Variants in NBEAL2 observed in about 807,000 individuals in gnomAD.
NBEAL2 encodes neurobeachin-like protein 2.
Under a neutral mutation model 299.8 loss-of-function variants are expected in NBEAL2, and 160 were observed. The ratio of observed to expected loss-of-function variants is 0.53; its 90% CI spans 0.47 to 0.61. The LOEUF is 0.61. NBEAL2 is among the 20% of genes least tolerant of loss of function. The pLI, the probability that NBEAL2 is intolerant of heterozygous loss-of-function variation, is 0.00. For missense variants in NBEAL2, 3,112 were observed against 3,649.0 expected (o/e 0.85, Z 3.79); for synonymous variants, 1,493 against 1,542.3 (o/e 0.97, Z 0.75).
intron 21 of NBEAL2, 72 bp downstream of exon 21, chr3:46,998,298 G>T: frequency 6.4e-7 from 1 of 1,555,082 alleles, no homozygotes; most frequent in South Asian, 1.2e-5. Flanking sequence ...ACTCTGCTCT[G>T]GGGGATCTGA....
Position 47,004,721 on chromosome 3 carries a change from C to G in NBEAL2, c.6294+131C>G. 1 of 1,042,000 alleles carries G rather than the reference C, an allele frequency of 9.6e-7. No homozygotes were observed. The highest frequency in any genetic ancestry group is 1.5e-6 in the Non-Finnish European group (1 of 687,828). The allele number at this position is 1,042,000 out of a possible 1,614,324, so 64.5% of individuals were successfully genotyped here. On this transcript the variant is annotated intron_variant, in intron 38 of 53. Transcript: ENST00000450053. The surrounding 1 kb of genome is among the most constrained non-coding windows in gnomAD (Gnocchi z 5.0). ...CAAGGGTAGATGTGCCAATGAAGAC[C>G]TGGCCTCTGTTCCCTGCCAACCCCC... is the stretch of plus-strand genomic sequence containing the variant.
Position 47,002,661 on chromosome 3 carries a change from C to T in NBEAL2, c.5318C>T (p.Pro1773Leu). Residue 1773 changes from proline (P) to leucine (L), a missense_variant, in exon 33 of 54, where the codon CCT (proline) becomes CTT (leucine). Physicochemically the swap from Pro to Leu is moderately conservative, Grantham distance 98 (BLOSUM62 -3). This residue lies in a region of NBEAL2 where 2,243 missense variants were observed against 2,538.1 expected (regional missense o/e 0.88). Transcript: ENST00000450053. ...RRAFQELVLE[P>L]AQRRARLEGL... is the part of the protein sequence containing the mutation. ...CCACCCCAGGAGCTGGTGCTGGAAC[C>T]TGCGCAGAGGCGGGCGCGCCTGGAG... 3 of 1,609,948 alleles carry T rather than the reference C, an allele frequency of 1.9e-6. No homozygotes were observed. Among genetic ancestry groups the T allele is most frequent in the Non-Finnish European group, 2.5e-6 (3 of 1,179,132 alleles).
At chr3:46,993,009 G>A (rs2036218876) in intron 10 of NBEAL2, among the ~76,000 whole-genome samples, 2 of 152,214 alleles carry the variant, frequency 1.3e-5, no homozygotes. Context: ...CATGTGGGCT[G>A]TAGGAGGCTG....
chr3:46,996,876 C>A (rs964835887), intron 17 of NBEAL2, 43 bp downstream of exon 17: 1 of 1,609,378 alleles, frequency 6.2e-7, no homozygotes, highest in African/African-American at 1.3e-5. Flanking sequence ...GACTGTGCTA[C>A]TTCCCCGGCT....
chr3:47,001,790 G>T lies in NBEAL2; in HGVS notation c.4746G>T (p.Arg1582=). The part of the protein sequence containing the change: ...DLREMAQIGL[R]LVLGYILLED... The stretch of plus-strand genomic sequence containing the variant: ...GTGAGATGGCGCAGATTGGCCTACG[G>T]CTTGTACTTGGCTACATCCTGCTGG... Residue 1582 remains arginine, a synonymous_variant, in exon 30 of 54, where the codon CGG becomes CGT. Coordinates refer to ENST00000450053, the MANE Select transcript of NBEAL2 (RefSeq NM_015175.3). This position sits in a 1 kb window ranked among gnomAD's most constrained non-coding sequence, Gnocchi z 6.1. 6.2e-7 allele frequency: 1 copy of T among 1,613,874 alleles called. No homozygotes were observed. Among genetic ancestry groups the T allele is most frequent in the Non-Finnish European group, 8.5e-7 (1 of 1,179,896 alleles).
Position 47,003,749 on chromosome 3 carries a change from T to C in NBEAL2, c.5721-67T>C. ...ACCCCATGACTCAATGGCACTTGGA[T>C]GCCCTTTGGGCTTGTGAAGAAGGGG... On this transcript the variant is annotated intron_variant, in intron 35 of 53. Transcript: ENST00000450053. The surrounding 1 kb of genome is among the most constrained non-coding windows in gnomAD (Gnocchi z 7.0). The C allele has an allele frequency of 6.7e-7, 1 of 1,496,462 alleles. No homozygotes were observed. The highest frequency in any genetic ancestry group is 1.3e-5 in the South Asian group (1 of 75,496). 92.7% of individuals were successfully genotyped at this position (1,496,462 alleles called of 1,614,324 possible).
chr3:47,001,843 C>T lies in NBEAL2; in HGVS notation c.4782+17C>T, dbSNP rs952785198. 2 of 1,613,172 alleles carry T rather than the reference C, an allele frequency of 1.2e-6. No individual in the cohort carries two copies. Among genetic ancestry groups the T allele is most frequent in the Non-Finnish European group, 1.7e-6 (2 of 1,179,524 alleles). On this transcript the variant is annotated intron_variant, in intron 30 of 53. Coordinates refer to ENST00000450053, the MANE Select transcript of NBEAL2 (RefSeq NM_015175.3). The surrounding 1 kb of genome is among the most constrained non-coding windows in gnomAD (Gnocchi z 6.1). ...GACCCACAGGTGAGCACAGGGTGAG[C>T]ATGGGGGCAGGGGGCGTGTGAGATG...
rs1458953700 is a variant in NBEAL2, at chr3:46,995,021, T to C, written c.1297-11T>C. The C allele has an allele frequency of 1.3e-6, 2 of 1,531,652 alleles. No homozygotes were observed. Among genetic ancestry groups the C allele is most frequent in the Admixed American group, 3.8e-5 (2 of 51,992 alleles). The allele number at this position is 1,531,652 out of a possible 1,614,324, so 94.9% of individuals were successfully genotyped here. On this transcript the variant is annotated splice_polypyrimidine_tract_variant and intron_variant, in intron 12 of 53. Coordinates refer to ENST00000450053, the MANE Select transcript of NBEAL2 (RefSeq NM_015175.3). ...CAGCTGACCAGGGACTGTCATTCTC[T>C]CCACCCACAGGCTGTGGAGGGTGAC... is the stretch of plus-strand genomic sequence containing the variant.
rs2036472018 is a variant in NBEAL2 at position 46,996,052 on chromosome 3, G to A, written c.2151+1G>A. On this transcript the variant is annotated splice_donor_variant, in intron 15 of 53. Coordinates refer to ENST00000450053, the MANE Select transcript of NBEAL2 (RefSeq NM_015175.3). LOFTEE classifies it high-confidence loss of function. ...CCTTCGCTGCCCCTCCCTCAGTGAG[G>A]TGTGCCAAGCAAGGTTTGGGGAGGC... The A allele has an allele frequency of 6.2e-7, 1 of 1,601,796 alleles. No individual in the cohort carries two copies. Among genetic ancestry groups the A allele is most frequent in the Non-Finnish European group, 8.5e-7 (1 of 1,174,334 alleles).
chr3:46,999,237 C>A, intron 24 of NBEAL2, 78 bp from the exon 25 acceptor site: 1 of 1,545,926 alleles, frequency 6.5e-7, no homozygotes, highest in South Asian at 1.2e-5. Flanking sequence ...CCTCTTGAGC[C>A]ACACACCTGC....
rs748990124 is a variant in NBEAL2 at position 47,008,287 on chromosome 3, G to C, written c.7724G>C (p.Gly2575Ala). 2.5e-6 allele frequency: 4 copies of C among 1,613,056 alleles called. No individual in the cohort carries two copies. Among genetic ancestry groups the C allele is most frequent in the Admixed American group, 1.7e-5 (1 of 59,870 alleles). Residue 2575 changes from glycine (G) to alanine (A), a missense_variant, in exon 51 of 54, where the codon GGA becomes GCA. Physicochemically the swap from Gly to Ala is moderately conservative, Grantham distance 60 (BLOSUM62 0). Around this residue, in one of 3 missense-constraint regions of NBEAL2, gnomAD observed 348 missense variants for 381.4 expected, o/e 0.91. Transcript: ENST00000450053. ...CCCTAAGTTGCCTTCCTGCAGGATGGAACTGTGATCATACACACTGTACGC... is the reference window on the plus strand; with the variant it reads ...CCCTAAGTTGCCTTCCTGCAGGATGCAACTGTGATCATACACACTGTACGC... ...LDMAVSGSED[G>A]TVIIHTVRRG... is the part of the protein sequence containing the mutation.
In NBEAL2 at chr3:46,988,487, C is replaced by T. The variant is rs1207023189; in HGVS notation, c.52-182C>T. ...CTCTCTGATGCTGACCTTCCAATGT[C>T]CTGCCCTCCCTCCCCCGTCCCCCAC... is the stretch of plus-strand genomic sequence containing the variant. On this transcript the variant is annotated intron_variant, in intron 1 of 53. Coordinates refer to ENST00000450053, the MANE Select transcript of NBEAL2 (RefSeq NM_015175.3). This position sits in a 1 kb window ranked among gnomAD's most constrained non-coding sequence, Gnocchi z 4.4. 6.6e-6 allele frequency among the ~76,000 whole-genome samples: 1 copy of T among 151,894 alleles called. No homozygotes were observed. The highest frequency in any genetic ancestry group is 1.5e-5 in the Non-Finnish European group (1 of 67,960).
intron 52 of NBEAL2, 93 bp downstream of exon 52, chr3:47,008,761 G>T: frequency 6.4e-7 from 1 of 1,555,380 alleles, no homozygotes; most frequent in Non-Finnish European, 8.7e-7. Flanking sequence ...ATACATGTTT[G>T]TGGGCACATA....
chr3:47,006,633 G>A (rs2037467078), intron 45 of NBEAL2, among the ~76,000 whole-genome samples, 184 bp downstream of exon 45: 1 of 152,196 alleles, frequency 6.6e-6, no homozygotes, highest in Admixed American at 6.5e-5. Context: ...ATCAGGGCCA[G>A]GATAAAGTGT....
chr3:47,003,194 A>T lies in NBEAL2; in HGVS notation c.5605A>T (p.Thr1869Ser), dbSNP rs1327703663. The change falls in exon 35 of 54, where the codon ACC (threonine) becomes TCC (serine). Residue 1869 changes from threonine to serine, a missense_variant. Coordinates refer to ENST00000450053, the MANE Select transcript of NBEAL2 (RefSeq NM_015175.3). This position sits in a 1 kb window ranked among gnomAD's most constrained non-coding sequence, Gnocchi z 7.0. The part of the protein sequence containing the change: ...DNLGEVPLTP[T>S]EEASLPLAVT... ...TGCAGGTGAGGTTCCCCTGACACCC[A>T]CCGAGGAGGCCTCACTGCCTCTGGC... The T allele has an allele frequency of 3.1e-6, 5 of 1,610,494 alleles. No individual in the cohort carries two copies. Among genetic ancestry groups the T allele is most frequent in the Non-Finnish European group, 4.2e-6 (5 of 1,177,956 alleles).
chr3:46,999,279 C>T, intron 24 of NBEAL2, 36 bp from the exon 25 acceptor site: 1 of 1,577,406 alleles, frequency 6.3e-7, no homozygotes, highest in African/African-American at 1.3e-5. Context: ...GTAACTCCTT[C>T]CACATGATGA....
chr3:47,003,119 T>C lies in NBEAL2; in HGVS notation c.5584+38T>C. On this transcript the variant is annotated intron_variant, in intron 34 of 53. Transcript: ENST00000450053. The surrounding 1 kb of genome is among the most constrained non-coding windows in gnomAD (Gnocchi z 7.0). ...GCTGAGATGGGTCCACCCAACTCGA[T>C]TGTCCCGTCTCCTGTCCTGCCTTGC... 3 of 1,610,620 alleles carry C rather than the reference T, an allele frequency of 1.9e-6. No homozygotes were observed. Among genetic ancestry groups the C allele is most frequent in the Non-Finnish European group, 2.5e-6 (3 of 1,177,868 alleles).
At chr3:46,987,430 G>A (rs2035743343) in intron 1 of NBEAL2, among the ~76,000 whole-genome samples, 1 of 152,206 alleles carries the variant, frequency 6.6e-6, no homozygotes, top group Admixed American at 6.5e-5. Context: ...CTCCATATGG[G>A]GCCAGCCTGG....
intron 10 of NBEAL2, among the ~76,000 whole-genome samples, chr3:46,993,542 TG>T (rs1426602228): frequency 1.3e-5 from 2 of 152,194 alleles, no homozygotes; most frequent in African/African-American, 4.8e-5. Context: ...CTCTGACCCC[TG>T]TCAATCACTG....
Sources: gnomAD v4.1 joint callset for allele counts (sites outside exome capture counted in the v4.1 genomes callset) on GRCh38, gnomAD v4.1.1 for gene constraint, gnomAD v4.1.1 regional missense constraint, Gnocchi (gnomAD v3.1) non-coding constraint, MANE v1.5 for transcripts, NCBI Gene and HGNC (gene_info 2026-07-23, HGNC 2026-07-21) for gene names.